PLXNA4: variants seen among roughly 807,000 people sequenced by gnomAD.
The protein encoded by PLXNA4 is plexin A4, also known as plexin-A4.
In PLXNA4, 44 loss-of-function variants were observed where a neutral mutation model predicts 191.8. That is an observed-to-expected ratio of 0.23 (90% confidence interval 0.18 to 0.29). The LOEUF is 0.29. PLXNA4 is among the 10% of genes least tolerant of loss of function. The pLI is 1.00. For synonymous variants in PLXNA4, 1,082 were observed against 1,009.5 expected (o/e 1.07, Z -1.36); for missense variants, 1,800 against 2,488.8 (o/e 0.72, Z 5.89).
chr7:132,587,499 G>T (rs1802524390), intron 2 of PLXNA4, among the ~76,000 whole-genome samples: 1 of 152,218 alleles, frequency 6.6e-6, no homozygotes, highest in Admixed American at 6.5e-5. Context: ...CTAGAGTTTG[G>T]ATTGAATGAC....
At chr7:132,289,870 A>G (rs981830331) in intron 4 of PLXNA4, among the ~76,000 whole-genome samples, 10 of 150,646 alleles carry the variant, frequency 6.6e-5, no homozygotes, top group African/African-American at 2.2e-4. Context: ...GGGTCTCTCT[A>G]TGTTGCCCAG....
At chr7:132,434,377 C>G (rs1027048488) in intron 3 of PLXNA4, among the ~76,000 whole-genome samples, 1 of 152,176 alleles carries the variant, frequency 6.6e-6, no homozygotes, top group African/African-American at 2.4e-5. Context: ...GTCCCAGCTG[C>G]CCAGGGTGGG....
intron 3 of PLXNA4, among the ~76,000 whole-genome samples, chr7:132,311,132 C>T (rs1801714458): frequency 6.7e-6 from 1 of 149,738 alleles, no homozygotes; most frequent in South Asian, 2.1e-4. Context: ...AAAGTAGCCC[C>T]AGTTCCTGGG....
chr7:132,170,502 G>T (rs1157912458), intron 21 of PLXNA4, among the ~76,000 whole-genome samples: 2 of 152,216 alleles, frequency 1.3e-5, no homozygotes, highest in Non-Finnish European at 2.9e-5. Flanking sequence ...TTTAAACTGG[G>T]AAAAATGGAG....
At position 132,275,020 on chromosome 7, in the gene PLXNA4, T is replaced by C. The variant is rs372760355; in HGVS notation, c.1503+23071A>G. ...CTAGGTTTCTACACTATAAAGTTAT[T>C]ATTTTCCCTTTGTAGTTAATAAATA... On this transcript the variant is annotated intron_variant, in intron 4 of 31. Transcript: ENST00000321063. Among the ~76,000 whole-genome samples, 16 of 152,258 alleles carry C rather than the reference T, an allele frequency of 1.1e-4. No homozygotes were observed. The East Asian group carries it at 2.5e-3, about 24-fold the overall frequency.
intron 1 of PLXNA4, among the ~76,000 whole-genome samples, chr7:132,546,759 C>T (rs1018419627): frequency 6.6e-6 from 1 of 152,188 alleles, no homozygotes; most frequent in African/African-American, 2.4e-5. Flanking sequence ...AGAAGGTTCT[C>T]CATCCCCACC....
intron 1 of PLXNA4, among the ~76,000 whole-genome samples, chr7:132,535,431 T>C (rs1018803763): frequency 6.6e-6 from 1 of 152,134 alleles, no homozygotes; most frequent in African/African-American, 2.4e-5. Context: ...CTCAGGAACC[T>C]CAAGACCCAG....
At chr7:132,311,193 T>TGTGTGTGTGCAC (rs71178034) in intron 3 of PLXNA4, among the ~76,000 whole-genome samples, 22 of 89,906 alleles carry the variant, frequency 2.4e-4, no homozygotes, top group South Asian at 1.4e-3. Context: ...TGTGTGTGTG[T>TGTGTGTGTGCAC]GCGCGTGTGG....
chr7:132,550,788 C>T (rs1403195614), intron 1 of PLXNA4, among the ~76,000 whole-genome samples: 1 of 73,424 alleles, frequency 1.4e-5, no homozygotes, highest in Admixed American at 1.7e-4. Flanking sequence ...ACATCTGCAC[C>T]TATAGTCCCT....
chr7:132,560,225 A>G (rs1217579375), intron 1 of PLXNA4, among the ~76,000 whole-genome samples: 1 of 152,178 alleles, frequency 6.6e-6, no homozygotes, highest in Non-Finnish European at 1.5e-5. Flanking sequence ...AGTTGGAGGC[A>G]CGCACCGAGG....
intron 19 of PLXNA4, 24 bp from the exon 20 acceptor site, chr7:132,179,945 G>T: frequency 1.3e-6 from 2 of 1,585,924 alleles, no homozygotes; most frequent in East Asian, 2.3e-5. Context: ...GGGCAAGAGG[G>T]AGCTGGGTGT....
intron 3 of PLXNA4, among the ~76,000 whole-genome samples, chr7:132,424,133 G>A (rs749621241): frequency 4.6e-5 from 7 of 152,008 alleles, no homozygotes; most frequent in Admixed American, 1.3e-4. Flanking sequence ...CCTCCTCCTC[G>A]CCAGGGTCTC....
intron 10 of PLXNA4, among the ~76,000 whole-genome samples, chr7:132,207,928 C>T (rs1797679091): frequency 6.6e-6 from 1 of 152,208 alleles, no homozygotes; most frequent in Non-Finnish European, 1.5e-5. Flanking sequence ...AAACTGGATT[C>T]AAGTTCTGAA....
chr7:132,257,418 T>G (rs913111163), intron 4 of PLXNA4, among the ~76,000 whole-genome samples: 1 of 152,258 alleles, frequency 6.6e-6, no homozygotes, highest in Admixed American at 6.5e-5. Context: ...GGCAAGATTC[T>G]AGACAATCGC....
At chr7:132,254,315 G>C (rs1364508) in intron 4 of PLXNA4, among the ~76,000 whole-genome samples, 99,246 of 152,118 alleles carry the variant, frequency 0.65, 32,899 homozygotes, top group African/African-American at 0.77. Context: ...AACTTCTAAT[G>C]ATGAATTATG....
intron 1 of PLXNA4, among the ~76,000 whole-genome samples, chr7:132,563,381 C>CT (rs1801451440): frequency 9.6e-6 from 1 of 103,686 alleles, no homozygotes; most frequent in Non-Finnish European, 2.0e-5. Context: ...CCTCCTTCTC[C>CT]TCCTCCTCCT....
intron 28 of PLXNA4, 193 bp from the exon 29 acceptor site, chr7:132,145,481 G>A: frequency 1.4e-6 from 1 of 733,978 alleles, no homozygotes; most frequent in Non-Finnish European, 2.1e-6. Flanking sequence ...AATTTCCCCT[G>A]CACATGGAAA....
chr7:132,336,576 C>A (rs1802825952), intron 3 of PLXNA4, among the ~76,000 whole-genome samples: 1 of 152,122 alleles, frequency 6.6e-6, no homozygotes, highest in South Asian at 2.1e-4. Flanking sequence ...GGAAGGAGCA[C>A]TTATTGAGCA....
intron 3 of PLXNA4, among the ~76,000 whole-genome samples, chr7:132,452,677 C>A (rs1031931715): frequency 6.6e-6 from 1 of 152,196 alleles, no homozygotes; most frequent in Non-Finnish European, 1.5e-5. Flanking sequence ...ATATGGCCAT[C>A]TCTTCATGGG....
Sources: allele counts gnomAD v4.1 joint callset (sites outside exome capture counted in the v4.1 genomes callset), GRCh38; gene constraint gnomAD v4.1.1; transcripts MANE v1.5; gene names NCBI Gene and HGNC (gene_info 2026-07-23, HGNC 2026-07-21).